Variants in EDEM1 observed in about 807,000 individuals in gnomAD.
EDEM1 encodes the protein ER degradation-enhancing alpha-mannosidase-like protein 1.
In EDEM1, 67 loss-of-function variants were observed where a neutral mutation model predicts 74.4. The ratio of observed to expected loss-of-function variants is 0.90; its 90% CI spans 0.74 to 1.10. EDEM1 has a LOEUF of 1.10. EDEM1 is among the 50% of genes least tolerant of loss of function. The pLI is 0.00. For missense variants in EDEM1, 926 were observed against 851.6 expected, an observed-to-expected ratio of 1.09 and a Z score of -1.09; for synonymous variants, 382 against 335.9, an observed-to-expected ratio of 1.14 and a Z score of -1.50.
intron 6 of EDEM1, among the ~76,000 whole-genome samples, chr3:5,206,835 C>G (rs145887707): frequency 1.3e-4 from 20 of 152,244 alleles, no homozygotes; most frequent in African/African-American, 4.3e-4. Flanking sequence ...CCAGCATAGG[C>G]CCATACTATA....
intron 1 of EDEM1, among the ~76,000 whole-genome samples, chr3:5,188,669 G>A (rs1424186516): frequency 1.3e-5 from 2 of 152,196 alleles, no homozygotes; most frequent in Admixed American, 1.3e-4. Context: ...CCCTTCCTCC[G>A]GATGAGCATA....
At chr3:5,198,551 A>G (rs2054997316) in intron 2 of EDEM1, among the ~76,000 whole-genome samples, 3 of 152,142 alleles carry the variant, frequency 2.0e-5, no homozygotes, top group African/African-American at 7.2e-5. Context: ...CTGTGAAGAT[A>G]AACTGTCAAT....
intron 1 of EDEM1, among the ~76,000 whole-genome samples, chr3:5,193,120 T>C (rs533261361): frequency 6.6e-6 from 1 of 152,268 alleles, no homozygotes; most frequent in East Asian, 1.9e-4. Flanking sequence ...ATGCCGCAGA[T>C]CTGGGTGTGA....
chr3:5,211,557 G>C (rs2055168451), intron 10 of EDEM1, among the ~76,000 whole-genome samples: 1 of 152,114 alleles, frequency 6.6e-6, no homozygotes. Context: ...GTTCATAATG[G>C]CTTCTCACTT....
Position 5,208,165 on chromosome 3 carries a change from G to T in EDEM1, c.1411G>T (p.Ala471Ser). 9.3e-6 allele frequency: 15 copies of T among 1,613,176 alleles called. No homozygotes were observed. The highest frequency in any genetic ancestry group is 1.3e-5 in the Non-Finnish European group (15 of 1,179,768). The change falls in exon 8 of 12, where the codon GCC (alanine) becomes TCC (serine). Residue 471 changes from alanine (A) to serine (S), a missense_variant. Ala to Ser is a moderately conservative substitution (Grantham distance 99, BLOSUM62 1). Transcript: ENST00000256497. ...CTATGCCATATGGAAACGATATGGT[G>T]CCCTCCCTGAGAGATATAACTGGCA... ...FYYAIWKRYG[A>S]LPERYNWQLQ...
At chr3:5,204,869 C>G (rs1275175234) in intron 5 of EDEM1, among the ~76,000 whole-genome samples, 198 bp from the exon 6 acceptor site, 5 of 152,094 alleles carry the variant, frequency 3.3e-5, no homozygotes. Context: ...TCAGTAAATG[C>G]TATATATTTA....
intron 1 of EDEM1, among the ~76,000 whole-genome samples, chr3:5,192,304 A>T (rs1157951852): frequency 2.6e-5 from 4 of 152,114 alleles, no homozygotes; most frequent in Non-Finnish European, 5.9e-5. Flanking sequence ...ACTGTTTCTT[A>T]TGTTATCTCT....
At chr3:5,198,616 C>A (rs1048102260) in intron 2 of EDEM1, among the ~76,000 whole-genome samples, 3 of 150,170 alleles carry the variant, frequency 2.0e-5, no homozygotes, top group Non-Finnish European at 4.4e-5. Context: ...GATCTTGAGG[C>A]CCACAAGGAA....
chr3:5,212,631 A>G (rs1346682038), intron 10 of EDEM1, among the ~76,000 whole-genome samples: 1 of 152,210 alleles, frequency 6.6e-6, no homozygotes, highest in East Asian at 1.9e-4. Flanking sequence ...AGTTTAGGTG[A>G]CCAATAAAGT....
rs2055191474 is a variant in EDEM1 at position 5,213,404 on chromosome 3, A to G, written c.1766A>G (p.His589Arg). The G allele has an allele frequency of 1.9e-6, 3 of 1,614,062 alleles. No individual in the cohort carries two copies. In the African/African-American group the frequency reaches 4.0e-5, roughly 22 times the overall value. ...TEGHIVSVDE[H>R]LRELPWKEFF... ...GGACACATTGTATCTGTGGATGAGC[A>G]TCTTCGGGAATTGCCATGGAAGGAA... Residue 589 changes from histidine to arginine, a missense_variant, in exon 11 of 12, where the codon CAT becomes CGT. By Grantham distance (29) the His-to-Arg change is conservative. Coordinates refer to ENST00000256497, the MANE Select transcript of EDEM1 (RefSeq NM_014674.3).
chr3:5,207,627 C>A (rs1171053287), intron 7 of EDEM1, among the ~76,000 whole-genome samples: 1 of 152,208 alleles, frequency 6.6e-6, no homozygotes, highest in African/African-American at 2.4e-5. Flanking sequence ...CTGCCTCAGC[C>A]TCCAGGGTAG....
At position 5,217,424 on chromosome 3, in the gene EDEM1, C is replaced by T. The variant is rs1009637901; in HGVS notation, c.*1506C>T. ...TTCTCACCTGTCACTGTTTTCCCACCTCTAAGGATTTCATGTACATCTTTT... is the reference window on the plus strand; with the variant it reads ...TTCTCACCTGTCACTGTTTTCCCACTTCTAAGGATTTCATGTACATCTTTT... On this transcript the variant is annotated 3_prime_UTR_variant, in exon 12 of 12. Coordinates refer to ENST00000256497, the MANE Select transcript of EDEM1 (RefSeq NM_014674.3). 6.6e-6 allele frequency: 1 copy of T among 152,620 alleles called. No individual in the cohort carries two copies. Among genetic ancestry groups the T allele is most frequent in the Non-Finnish European group, 1.5e-5 (1 of 68,036 alleles). 9.5% of individuals were successfully genotyped at this position (152,620 alleles called of 1,614,324 possible).
chr3:5,190,358 C>T (rs184059052), intron 1 of EDEM1, among the ~76,000 whole-genome samples: 25 of 152,190 alleles, frequency 1.6e-4, no homozygotes, highest in Non-Finnish European at 2.6e-4. Flanking sequence ...AACAGTTTAA[C>T]GGGGAATTGT....
At position 5,216,433 on chromosome 3, in the gene EDEM1, A is replaced by G. The variant is rs1439893116; in HGVS notation, c.*515A>G. ...CAGGTGAGCACCACTGTACCTGGCT[A>G]GCTACTTCTTTGTTAGAGGATTGAG... On this transcript the variant is annotated 3_prime_UTR_variant, in exon 12 of 12. Coordinates refer to ENST00000256497, the MANE Select transcript of EDEM1 (RefSeq NM_014674.3). 1 of 152,184 alleles carries G rather than the reference A, an allele frequency of 6.6e-6. No individual in the cohort carries two copies. The highest frequency in any genetic ancestry group is 2.4e-5 in the African/African-American group (1 of 41,426). The allele number at this position is 152,184 out of a possible 1,614,324, so 9.4% of individuals were successfully genotyped here.
In EDEM1 at chr3:5,187,727, T is replaced by C; in HGVS notation, c.-79T>C. The C allele has an allele frequency of 7.0e-7, 1 of 1,421,220 alleles. No homozygotes were observed. Among genetic ancestry groups the C allele is most frequent in the Non-Finnish European group, 9.2e-7 (1 of 1,088,198 alleles). The allele number at this position is 1,421,220 out of a possible 1,614,324, so 88.0% of individuals were successfully genotyped here. On this transcript the variant is annotated 5_prime_UTR_variant, in exon 1 of 12. Transcript: ENST00000256497. ...TCCTTAAAGGGGAAGCGAGCCGGGC[T>C]ACGGGGCGAGCGCGGGGTGCGGTGG... is the stretch of plus-strand genomic sequence containing the variant.
chr3:5,208,755 G>GTA (rs2055130502), intron 8 of EDEM1, among the ~76,000 whole-genome samples: 1 of 149,492 alleles, frequency 6.7e-6, no homozygotes, highest in Admixed American at 6.6e-5. Context: ...GTGTGTGTGT[G>GTA]TGTGTATATA....
chr3:5,208,687 G>A (rs769180465), intron 8 of EDEM1, among the ~76,000 whole-genome samples: 9 of 151,592 alleles, frequency 5.9e-5, no homozygotes, highest in Non-Finnish European at 1.2e-4. Context: ...TTTCTTGGTT[G>A]TAAAGGAAAT....
chr3:5,200,462 T>C (rs1391828902), intron 3 of EDEM1, among the ~76,000 whole-genome samples: 1 of 152,198 alleles, frequency 6.6e-6, no homozygotes, highest in Non-Finnish European at 1.5e-5. Flanking sequence ...TCTCTCTCTG[T>C]CTCTCTCTTT....
chr3:5,208,523 C>T (rs1184862915), intron 8 of EDEM1, among the ~76,000 whole-genome samples: 2 of 152,134 alleles, frequency 1.3e-5, no homozygotes, highest in Non-Finnish European at 2.9e-5. Flanking sequence ...GGACTTATAA[C>T]TCACATCTTT....
Sources: allele counts gnomAD v4.1 joint callset (sites outside exome capture counted in the v4.1 genomes callset), GRCh38; gene constraint gnomAD v4.1.1; transcripts MANE v1.5; gene names NCBI Gene and HGNC (gene_info 2026-07-23, HGNC 2026-07-21).